Variants in HDAC4 observed in about 807,000 individuals in gnomAD.
HDAC4 encodes histone deacetylase 4, also known as histone deacetylase A.
In HDAC4, 16 loss-of-function variants were observed where a neutral mutation model predicts 135.1. The observed-to-expected ratio is 0.12, with a 90% CI of 0.08 to 0.18. The LOEUF is 0.18. HDAC4 is among the 10% of genes least tolerant of loss of function. The pLI is 1.00. For missense variants in HDAC4, 1,143 were observed against 1,511.8 expected, an observed-to-expected ratio of 0.76 and a Z score of 4.05; for synonymous variants, 685 against 653.4, an observed-to-expected ratio of 1.05 and a Z score of -0.74.
chr2:239,095,367 G>C (rs2036922847), intron 16 of HDAC4, among the ~76,000 whole-genome samples: 1 of 152,182 alleles, frequency 6.6e-6, no homozygotes, highest in Non-Finnish European at 1.5e-5. Context: ...GGTACCCCTG[G>C]TGGGCGTCTG....
chr2:239,250,175 T>A (rs1442417543), intron 2 of HDAC4, among the ~76,000 whole-genome samples: 1 of 152,262 alleles, frequency 6.6e-6, no homozygotes, highest in Non-Finnish European at 1.5e-5. Flanking sequence ...CTGCTTTTAT[T>A]CCATGACTCT....
intron 3 of HDAC4, among the ~76,000 whole-genome samples, chr2:239,217,333 T>C (rs528228999): frequency 2.0e-5 from 3 of 152,206 alleles, no homozygotes; most frequent in Non-Finnish European, 4.4e-5. Flanking sequence ...AACCTAAAAT[T>C]CCTCGCATTT....
chr2:239,366,232 G>C (rs571176093), intron 1 of HDAC4, among the ~76,000 whole-genome samples: 1 of 142,540 alleles, frequency 7.0e-6, no homozygotes, highest in South Asian at 2.3e-4. Context: ...AGGGTCACGC[G>C]TGTGGCACTG....
chr2:239,146,326 A>G lies in HDAC4; in HGVS notation c.734-1612T>C, dbSNP rs1453826298. Among the ~76,000 whole-genome samples, 1 of 152,148 alleles carries G rather than the reference A, an allele frequency of 6.6e-6. No homozygotes were observed. Among genetic ancestry groups the G allele is most frequent in the Non-Finnish European group, 1.5e-5 (1 of 68,012 alleles). On this transcript the variant is annotated intron_variant, in intron 7 of 26. Transcript: ENST00000543185. This position sits in a 1 kb window ranked among gnomAD's most constrained non-coding sequence, Gnocchi z 4.5. ...CCACCAGATCTCCACTGAAACCCAC[A>G]TGGGCTCTGCAGGGATTCCCCGGGC...
chr2:239,158,876 C>A, intron 6 of HDAC4, among the ~76,000 whole-genome samples: 1 of 152,078 alleles, frequency 6.6e-6, no homozygotes, highest in East Asian at 1.9e-4. Flanking sequence ...GAAGCTCTAT[C>A]CCTGCTGCAA....
At chr2:239,094,380 T>G (rs866181290) in intron 17 of HDAC4, 33 of 985,312 alleles carry the variant, frequency 3.3e-5, no homozygotes, top group Middle Eastern at 5.2e-4. Context: ...CCTTGTGAAC[T>G]TATGCGCCCA....
Position 239,068,180 on chromosome 2 carries a change from C to T in HDAC4, c.2869+309G>A, listed in dbSNP as rs1307651047. ...GGGCACATCTCAGCTCTTGGTGGGACCAGGACCTGCCCCTGGAGGTGGCCT... is the reference window on the plus strand; with the variant it reads ...GGGCACATCTCAGCTCTTGGTGGGATCAGGACCTGCCCCTGGAGGTGGCCT... On this transcript the variant is annotated intron_variant, in intron 23 of 26. Coordinates refer to ENST00000543185, the MANE Select transcript of HDAC4 (RefSeq NM_001378414.1). The surrounding 1 kb of genome is among the most constrained non-coding windows in gnomAD (Gnocchi z 4.4). Among the ~76,000 whole-genome samples, 3 of 152,184 alleles carry T rather than the reference C, an allele frequency of 2.0e-5. No individual in the cohort carries two copies. The highest frequency in any genetic ancestry group is 4.1e-4 in the South Asian group (2 of 4,828).
chr2:239,247,714 C>G (rs756802446), intron 2 of HDAC4, among the ~76,000 whole-genome samples: 4 of 152,148 alleles, frequency 2.6e-5, no homozygotes, highest in Non-Finnish European at 4.4e-5. Flanking sequence ...ATAAGTAGCT[C>G]ACGAAAAATG....
At chr2:239,318,368 C>A (rs759868514) in intron 2 of HDAC4, among the ~76,000 whole-genome samples, 1 of 152,182 alleles carries the variant, frequency 6.6e-6, no homozygotes, top group Non-Finnish European at 1.5e-5. Context: ...AATAGCTGCC[C>A]CTACGCTTCC....
At chr2:239,185,342 A>G in intron 4 of HDAC4, among the ~76,000 whole-genome samples, 1 of 144,248 alleles carries the variant, frequency 6.9e-6, no homozygotes, top group African/African-American at 2.6e-5. Flanking sequence ...TGCCCTATGA[A>G]GGGTGCCCCG....
chr2:239,183,318 A>T (rs1309297738), intron 4 of HDAC4, among the ~76,000 whole-genome samples: 1 of 152,262 alleles, frequency 6.6e-6, no homozygotes, highest in East Asian at 1.9e-4. Context: ...TTTTAAAACG[A>T]AACTCTTGAC....
chr2:239,378,709 C>CGGGAACCAATAACCCT (rs1575779486), intron 1 of HDAC4, among the ~76,000 whole-genome samples: 2 of 152,092 alleles, frequency 1.3e-5, no homozygotes, highest in East Asian at 3.9e-4. Context: ...CCAATAACCC[C>CGGGAACCAATAACCCT]GGGAACCAAT....
chr2:239,250,019 G>C (rs1415089303), intron 2 of HDAC4, among the ~76,000 whole-genome samples: 1 of 152,084 alleles, frequency 6.6e-6, no homozygotes, highest in East Asian at 1.9e-4. Context: ...AGGAGGCCGT[G>C]CACAGCCCTC....
chr2:239,326,927 T>A (rs1044950680), intron 2 of HDAC4, among the ~76,000 whole-genome samples: 1 of 152,100 alleles, frequency 6.6e-6, no homozygotes, highest in South Asian at 2.1e-4. Context: ...CCTGTCATAC[T>A]GCTAAAGAGA....
intron 2 of HDAC4, among the ~76,000 whole-genome samples, chr2:239,278,945 G>A (rs2050550867): frequency 1.3e-5 from 2 of 152,192 alleles, no homozygotes; most frequent in Non-Finnish European, 2.9e-5. Context: ...AGGCCAGCCT[G>A]GGCAATAGTG....
At chr2:239,081,392 AAGGGG>A (rs2152684679) in intron 21 of HDAC4, among the ~76,000 whole-genome samples, 200 bp from the exon 22 acceptor site, 1 of 152,312 alleles carries the variant, frequency 6.6e-6, no homozygotes, top group African/African-American at 2.4e-5. Flanking sequence ...TGACATCAGC[AAGGGG>A]GCCCTTTTCC....
chr2:239,138,522 C>T (rs1311001801), intron 9 of HDAC4, among the ~76,000 whole-genome samples: 1 of 152,226 alleles, frequency 6.6e-6, no homozygotes, highest in Non-Finnish European at 1.5e-5. Flanking sequence ...GAAAGAACCT[C>T]CCACTCAGTA....
At chr2:239,106,349 G>A (rs192848442) in intron 15 of HDAC4, among the ~76,000 whole-genome samples, 3 of 152,182 alleles carry the variant, frequency 2.0e-5, no homozygotes, top group Non-Finnish European at 4.4e-5. Flanking sequence ...GCACATGTAG[G>A]GGAGGGACAA....
chr2:239,168,298 C>T (rs910857746), intron 5 of HDAC4, among the ~76,000 whole-genome samples: 10 of 152,236 alleles, frequency 6.6e-5, no homozygotes, highest in Admixed American at 4.6e-4. Flanking sequence ...CTGCTCGGGC[C>T]GAGTCCAGCC....
Sources: gnomAD v4.1 joint callset for allele counts (sites outside exome capture counted in the v4.1 genomes callset) on GRCh38, gnomAD v4.1.1 for gene constraint, Gnocchi (gnomAD v3.1) non-coding constraint, MANE v1.5 for transcripts, NCBI Gene and HGNC (gene_info 2026-07-23, HGNC 2026-07-21) for gene names.